The following CEP83 variants were observed in gnomAD, a reference collection of about 807,000 sequenced individuals.
The protein encoded by CEP83 is centrosomal protein of 83 kDa.
A neutral mutation model predicts 101.9 loss-of-function variants in CEP83; 70 were observed. The ratio of observed to expected loss-of-function variants is 0.69; its 90% CI spans 0.57 to 0.84. CEP83 has a LOEUF of 0.84. Among genes scored for constraint, CEP83 ranks in the 40% least tolerant of loss-of-function variants. The pLI is 0.00. For synonymous variants in CEP83, 264 were observed against 267.9 expected, an observed-to-expected ratio of 0.99 and a Z score of 0.14; for missense variants, 715 against 787.2, an observed-to-expected ratio of 0.91 and a Z score of 1.10.
At chr12:94,346,798 G>A (rs1465633236) in intron 11 of CEP83, among the ~76,000 whole-genome samples, 8 of 152,136 alleles carry the variant, frequency 5.3e-5, no homozygotes, top group African/African-American at 1.9e-4. Context: ...TCTGTGTTGT[G>A]GTGTGAAAAC....
intron 1 of CEP83, among the ~76,000 whole-genome samples, chr12:94,445,331 T>C (rs1481959488): frequency 6.6e-6 from 1 of 151,558 alleles, no homozygotes; most frequent in African/African-American, 2.4e-5. Flanking sequence ...TATACAAAAA[T>C]AGGATCAAAA....
At chr12:94,289,309 T>C in the CEP83 span, among the ~76,000 whole-genome samples, 1 of 152,340 alleles carries the variant, frequency 6.6e-6, no homozygotes, top group African/African-American at 2.4e-5. Flanking sequence ...TCTCTGCCAC[T>C]TCTAACGTGG....
chr12:94,355,313 G>A lies in CEP83; in HGVS notation c.1343+12481C>T, dbSNP rs376180558. 2.4e-4 allele frequency among the ~76,000 whole-genome samples: 37 copies of A among 152,194 alleles called. 1 individual carries two copies. In the South Asian group the frequency reaches 7.7e-3, roughly 32 times the overall value. On this transcript the variant is annotated intron_variant, in intron 11 of 16. Coordinates refer to ENST00000397809, the MANE Select transcript of CEP83 (RefSeq NM_016122.3). ...TCGAGACTATCCTGGCTAACACCGT[G>A]AAACCCCATCTCTACTAAAAATACA...
At chr12:94,270,649 T>C in the CEP83 span, among the ~76,000 whole-genome samples, 1 of 151,892 alleles carries the variant, frequency 6.6e-6, no homozygotes, top group Non-Finnish European at 1.5e-5. Flanking sequence ...TATCTTGGGC[T>C]AAATCAGACA....
At chr12:94,287,459 A>G in the CEP83 span, among the ~76,000 whole-genome samples, 1 of 151,932 alleles carries the variant, frequency 6.6e-6, no homozygotes, top group Non-Finnish European at 1.5e-5. Context: ...CCCTGCTGTG[A>G]CCTTTGGCTG....
intron 1 of CEP83, among the ~76,000 whole-genome samples, chr12:94,439,190 T>C (rs917897625): frequency 6.6e-6 from 1 of 151,824 alleles, no homozygotes; most frequent in Non-Finnish European, 1.5e-5. Context: ...TAAATGAAAT[T>C]GAAACACAAC....
Position 94,310,115 on chromosome 12 carries a change from A to G in CEP83, c.1812-8T>C, listed in dbSNP as rs747379878. Reference sequence around the variant, plus strand: ...TCAAAAGGAACATTTTGTCTTAAAAAGAAAAAGAAATGTTTCTTTAACATG... The same window carrying G: ...TCAAAAGGAACATTTTGTCTTAAAAGGAAAAAGAAATGTTTCTTTAACATG... On this transcript the variant is annotated splice_region_variant and splice_polypyrimidine_tract_variant and intron_variant, in intron 15 of 16. Coordinates refer to ENST00000397809, the MANE Select transcript of CEP83 (RefSeq NM_016122.3). 14 of 1,464,200 alleles carry G rather than the reference A, an allele frequency of 9.6e-6. No individual in the cohort carries two copies. In the African/African-American group the frequency reaches 2.0e-4, roughly 21 times the overall value. 90.7% of individuals were successfully genotyped at this position (1,464,200 alleles called of 1,614,324 possible).
intron 14 of CEP83, among the ~76,000 whole-genome samples, chr12:94,329,072 T>C (rs914210564): frequency 1.3e-5 from 2 of 152,206 alleles, no homozygotes; most frequent in African/African-American, 2.4e-5. Context: ...TTCTAGGTCA[T>C]AATCATTCAC....
the CEP83 span, among the ~76,000 whole-genome samples, chr12:94,285,827 C>G: frequency 6.6e-6 from 1 of 152,158 alleles, no homozygotes; most frequent in Non-Finnish European, 1.5e-5. Context: ...GACACAGACT[C>G]CAAGGCCCTC....
chr12:94,329,710 T>C (rs1367510434), intron 14 of CEP83, among the ~76,000 whole-genome samples: 1 of 152,196 alleles, frequency 6.6e-6, no homozygotes, highest in Non-Finnish European at 1.5e-5. Context: ...CAAAAATCAG[T>C]AGGATTTCTG....
chr12:94,277,492 CTG>C, the CEP83 span, among the ~76,000 whole-genome samples: 2 of 152,192 alleles, frequency 1.3e-5, no homozygotes, highest in Admixed American at 1.3e-4. Flanking sequence ...GTTCTAAGAA[CTG>C]TGCGGTTACT....
intron 12 of CEP83, 77 bp downstream of exon 12, chr12:94,335,511 AT>A (rs1183847588): frequency 2.2e-6 from 2 of 928,062 alleles, no homozygotes; most frequent in African/African-American, 1.7e-5. Flanking sequence ...TGATGGCAAA[AT>A]TTTTTTAAAA....
At chr12:94,269,050 G>A in the CEP83 span, among the ~76,000 whole-genome samples, 5 of 152,150 alleles carry the variant, frequency 3.3e-5, no homozygotes, top group African/African-American at 1.2e-4. Flanking sequence ...GATTTCACAT[G>A]GGAGAAGGGA....
the CEP83 span, chr12:94,282,754 G>C: frequency 5.4e-6 from 1 of 184,428 alleles, no homozygotes; most frequent in East Asian, 1.4e-4. Flanking sequence ...ACAAAGCCCG[G>C]GAAGTCCCAA....
chr12:94,276,957 C>T, the CEP83 span: 4 of 152,160 alleles, frequency 2.6e-5, no homozygotes, highest in Admixed American at 1.3e-4. Context: ...TCCACTGATT[C>T]GGAGTTTTAA....
chr12:94,424,037 G>C lies in CEP83; in HGVS notation c.-102+11238C>G, dbSNP rs1026284348. On this transcript the variant is annotated intron_variant, in intron 2 of 16. Coordinates refer to ENST00000397809, the MANE Select transcript of CEP83 (RefSeq NM_016122.3). ...TGAACCTGAAGGCTGCATGAGGTAT[G>C]AATGGTGGTGCATCCAGGATGGGTT... 9 of 1,612,178 alleles carry C rather than the reference G, an allele frequency of 5.6e-6. No individual in the cohort carries two copies. In the African/African-American group the frequency reaches 1.1e-4, roughly 19 times the overall value.
Position 94,400,948 on chromosome 12 carries a change from G to C in CEP83, c.451C>G (p.Leu151Val). Residue 151 changes from leucine (L) to valine (V), a missense_variant, in exon 6 of 17, where the codon CTT becomes GTT. Physicochemically the swap from Leu to Val is conservative, Grantham distance 32. Transcript: ENST00000397809. ...VEKYRAVYNK[L>V]RYEHTFLKSE... ...TTGAGAAATGTATGTTCATAGCGAAGCTTATTATATACAGCTCTATACTTT... is the reference window on the plus strand; with the variant it reads ...TTGAGAAATGTATGTTCATAGCGAACCTTATTATATACAGCTCTATACTTT... The C allele has an allele frequency of 1.3e-6, 2 of 1,503,596 alleles. No homozygotes were observed. The highest frequency in any genetic ancestry group is 1.8e-6 in the Non-Finnish European group (2 of 1,122,472). 93.1% of individuals were successfully genotyped at this position (1,503,596 alleles called of 1,614,324 possible).
At chr12:94,279,463 C>T in the CEP83 span, 1 of 1,608,526 alleles carries the variant, frequency 6.2e-7, no homozygotes, top group Non-Finnish European at 8.5e-7. Flanking sequence ...CCTGTTTGTA[C>T]TCTTGCAGGC....
the CEP83 span, chr12:94,282,461 A>G: frequency 5.3e-6 from 6 of 1,126,926 alleles, no homozygotes; most frequent in Middle Eastern, 9.9e-4. Context: ...TCCCATGGAC[A>G]TTCTTTTAAA....
Sources: gnomAD v4.1 joint callset for allele counts (sites outside exome capture counted in the v4.1 genomes callset) on GRCh38, gnomAD v4.1.1 for gene constraint, MANE v1.5 for transcripts, NCBI Gene and HGNC (gene_info 2026-07-23, HGNC 2026-07-21) for gene names.